Variants in ANGPT1 observed in about 807,000 individuals in gnomAD.
The protein encoded by ANGPT1 is angiopoietin-1.
Under a neutral mutation model 62.2 loss-of-function variants are expected in ANGPT1, and 17 were observed. That is an observed-to-expected ratio of 0.27 (90% confidence interval 0.19 to 0.41). The LOEUF is 0.41. ANGPT1 is among the 10% of genes least tolerant of loss of function. The probability of loss-of-function intolerance (pLI) is 1.00; values close to 1 mark genes in which losing one functional copy is unlikely to be tolerated. For synonymous variants in ANGPT1, 199 were observed against 198.9 expected, an observed-to-expected ratio of 1.00 and a Z score of 0.00; for missense variants, 478 against 594.9, an observed-to-expected ratio of 0.80 and a Z score of 2.04.
chr8:107,456,754 A>T (rs1015842622), intron 1 of ANGPT1, among the ~76,000 whole-genome samples: 1 of 152,130 alleles, frequency 6.6e-6, no homozygotes, highest in Non-Finnish European at 1.5e-5. Flanking sequence ...ATTATTTTAA[A>T]ATAGAAATAT....
In ANGPT1 at chr8:107,341,822, G is replaced by T. The variant is rs530435586; in HGVS notation, c.453+5120C>A. ...AATGCAACCCAGAGAGTCTATCTCCGGAGTCTGGGTTGTTTCCCACAGGCT... is the reference window on the plus strand; with the variant it reads ...AATGCAACCCAGAGAGTCTATCTCCTGAGTCTGGGTTGTTTCCCACAGGCT... On this transcript the variant is annotated intron_variant, in intron 2 of 8. Coordinates refer to ENST00000517746, the MANE Select transcript of ANGPT1 (RefSeq NM_001146.5). Among the ~76,000 whole-genome samples the T allele has an allele frequency of 1.9e-3, 294 of 151,970 alleles. 1 individual carries two copies. Among genetic ancestry groups the T allele is most frequent in the African/African-American group, 6.9e-3 (287 of 41,456 alleles).
chr8:107,486,040 C>A (rs1225226962), intron 1 of ANGPT1, among the ~76,000 whole-genome samples: 1 of 152,144 alleles, frequency 6.6e-6, no homozygotes, highest in Non-Finnish European at 1.5e-5. Flanking sequence ...CAATCAGCAA[C>A]AGAGCCTACA....
At chr8:107,309,204 G>T (rs189971407) in intron 4 of ANGPT1, among the ~76,000 whole-genome samples, 109 of 152,254 alleles carry the variant, frequency 7.2e-4, no homozygotes, top group Admixed American at 3.6e-3. Flanking sequence ...ATGGCTAATG[G>T]TTCATGTATT....
chr8:107,381,845 C>T (rs1816643649), intron 1 of ANGPT1, among the ~76,000 whole-genome samples: 1 of 152,158 alleles, frequency 6.6e-6, no homozygotes, highest in South Asian at 2.1e-4. Context: ...TTCAACTTAG[C>T]TAAGGTTTGT....
intron 1 of ANGPT1, among the ~76,000 whole-genome samples, chr8:107,469,026 A>T (rs1452471118): frequency 6.6e-6 from 1 of 152,102 alleles, no homozygotes; most frequent in African/African-American, 2.4e-5. Context: ...GGTTTTCTTT[A>T]TATAGACACA....
chr8:107,480,996 T>C (rs544791173), intron 1 of ANGPT1, among the ~76,000 whole-genome samples: 44 of 152,322 alleles, frequency 2.9e-4, no homozygotes, highest in Non-Finnish European at 4.7e-4. Flanking sequence ...GTTGACTTTC[T>C]GGAGGACCAA....
chr8:107,318,592 C>A (rs904983072), intron 4 of ANGPT1, among the ~76,000 whole-genome samples: 1 of 152,088 alleles, frequency 6.6e-6, no homozygotes, highest in Non-Finnish European at 1.5e-5. Context: ...AGAAGCTATG[C>A]GTTTTATACT....
At chr8:107,389,280 C>T (rs182510911) in intron 1 of ANGPT1, among the ~76,000 whole-genome samples, 14 of 152,242 alleles carry the variant, frequency 9.2e-5, no homozygotes, top group African/African-American at 2.6e-4. Flanking sequence ...CTGATCATGG[C>T]AAGGACTACG....
chr8:107,381,758 G>C (rs910213240), intron 1 of ANGPT1, among the ~76,000 whole-genome samples: 5 of 152,166 alleles, frequency 3.3e-5, no homozygotes, highest in Admixed American at 2.6e-4. Flanking sequence ...TGTATACTGG[G>C]ACAGTGGGCA....
At chr8:107,436,877 A>C (rs894582660) in intron 1 of ANGPT1, among the ~76,000 whole-genome samples, 2 of 152,232 alleles carry the variant, frequency 1.3e-5, no homozygotes, top group African/African-American at 4.8e-5. Context: ...GAAAATCAAC[A>C]ACTTATTTGT....
chr8:107,493,770 T>G (rs1813026082), intron 1 of ANGPT1, among the ~76,000 whole-genome samples: 1 of 150,394 alleles, frequency 6.6e-6, no homozygotes, highest in South Asian at 2.2e-4. Flanking sequence ...GTCACTGGCC[T>G]CATGGAGGTC....
At chr8:107,311,379 AGAAAG>A (rs1243360833) in intron 4 of ANGPT1, among the ~76,000 whole-genome samples, 2 of 152,150 alleles carry the variant, frequency 1.3e-5, no homozygotes, top group Admixed American at 1.3e-4. Context: ...TTCCAAAAAA[AGAAAG>A]GAGAGGATAA....
chr8:107,289,163 G>A (rs955236628), intron 6 of ANGPT1, among the ~76,000 whole-genome samples: 1 of 151,926 alleles, frequency 6.6e-6, no homozygotes, highest in African/African-American at 2.4e-5. Context: ...CTTCTCTAAC[G>A]CTCTAATAAA....
intron 1 of ANGPT1, among the ~76,000 whole-genome samples, chr8:107,426,840 G>A (rs1012244789): frequency 6.6e-6 from 1 of 152,140 alleles, no homozygotes; most frequent in South Asian, 2.1e-4. Context: ...AGCTTGAGAG[G>A]AATAACAAAC....
rs796431435 is a variant in ANGPT1 at position 107,321,879 on chromosome 8, G to A, written c.808+17C>T. ...AATAAAATATTAACAATACCAAAGT[G>A]AGGAAGACATTCTTACCACCTTCTT... On this transcript the variant is annotated intron_variant, in intron 4 of 8. Transcript: ENST00000517746. The A allele has an allele frequency of 6.2e-6, 10 of 1,601,938 alleles. No individual in the cohort carries two copies. In the African/African-American group the frequency reaches 1.2e-4, roughly 19 times the overall value.
chr8:107,350,414 A>T (rs1053064098), intron 1 of ANGPT1, among the ~76,000 whole-genome samples: 2 of 152,094 alleles, frequency 1.3e-5, no homozygotes, highest in African/African-American at 2.4e-5. Flanking sequence ...GTGTAATAAC[A>T]ATCATGTACC....
At chr8:107,399,852 C>T (rs1226087533) in intron 1 of ANGPT1, among the ~76,000 whole-genome samples, 4 of 152,148 alleles carry the variant, frequency 2.6e-5, no homozygotes, top group Non-Finnish European at 5.9e-5. Flanking sequence ...AGGTGCCACA[C>T]TTGTTGGGTA....
rs572177226 is a variant in ANGPT1, at chr8:107,460,879, C to T, written c.297+36383G>A. On this transcript the variant is annotated intron_variant, in intron 1 of 8. Coordinates refer to ENST00000517746, the MANE Select transcript of ANGPT1 (RefSeq NM_001146.5). ...TTTGTGTTAATGCTCTTTAATTAAACTAAGCAATTTATCTTCGACCTTTTG... is the reference window on the plus strand; with the variant it reads ...TTTGTGTTAATGCTCTTTAATTAAATTAAGCAATTTATCTTCGACCTTTTG... Among the ~76,000 whole-genome samples, 13 of 152,198 alleles carry T rather than the reference C, an allele frequency of 8.5e-5. No homozygotes were observed. In the South Asian group the frequency reaches 2.7e-3, roughly 32 times the overall value.
intron 2 of ANGPT1, among the ~76,000 whole-genome samples, chr8:107,342,682 T>C (rs1815718462): frequency 6.6e-6 from 1 of 151,904 alleles, no homozygotes; most frequent in Admixed American, 6.6e-5. Context: ...AGAAAACTAA[T>C]TACAGGATAT....
Sources: gnomAD v4.1 joint callset for allele counts (sites outside exome capture counted in the v4.1 genomes callset) on GRCh38, gnomAD v4.1.1 for gene constraint, MANE v1.5 for transcripts, NCBI Gene and HGNC (gene_info 2026-07-23, HGNC 2026-07-21) for gene names.